The following POF1B variants were observed in gnomAD, a reference collection of about 807,000 sequenced individuals.
The protein encoded by POF1B is protein POF1B.
Under a neutral mutation model 55.3 loss-of-function variants are expected in POF1B, and 53 were observed. That is an observed-to-expected ratio of 0.96 (90% CI 0.77 to 1.20). The LOEUF (loss-of-function observed/expected upper bound fraction) is 1.20. Among genes scored for constraint, POF1B ranks in the 50% most tolerant of loss-of-function variants. POF1B has a pLI of 0.00. For missense variants in POF1B, 478 were observed against 420.5 expected (o/e 1.14, Z -1.20); for synonymous variants, 188 against 148.3 (o/e 1.27, Z -1.95).
chrX:85,372,772 A>ATATATATATATATATATAT (rs1193270205), intron 2 of POF1B, among the ~76,000 whole-genome samples: 18 of 101,470 alleles, frequency 1.8e-4, no homozygotes, highest in African/African-American at 5.7e-4. Context: ...TATTATATAT[A>ATATATATATATATATATAT]CTATATATAT....
intron 15 of POF1B, among the ~76,000 whole-genome samples, chrX:85,301,141 C>A (rs6623261): frequency 9.0e-6 from 1 of 111,082 alleles, no homozygotes; most frequent in African/African-American, 3.3e-5. Context: ...TATCAATCTG[C>A]ACATCAAAGA....
chrX:85,303,267 A>C (rs12556017), intron 15 of POF1B, 139 bp downstream of exon 15: 13,930 of 390,063 alleles, frequency 0.036, 1,150 homozygotes, highest in African/African-American at 0.27. Flanking sequence ...CTTTTTGTGA[A>C]TATTCATTCT....
At chrX:85,332,679 G>A (rs1276593869) in intron 6 of POF1B, among the ~76,000 whole-genome samples, 1 of 111,242 alleles carries the variant, frequency 9.0e-6, no homozygotes, top group Non-Finnish European at 1.9e-5. Context: ...AGTAAGCAAA[G>A]ATAAGTTTTC....
At position 85,361,492 on chromosome X, in the gene POF1B, A is replaced by G. The variant is rs1447864153; in HGVS notation, c.358-1862T>C. Among the ~76,000 whole-genome samples the G allele has an allele frequency of 2.7e-5, 3 of 110,717 alleles. No homozygotes were observed. In the South Asian group the frequency reaches 1.1e-3, roughly 42 times the overall value. ...GTCCTTTCCCCATTGCTTGTTTTTGACAGCTTGGTCAAAGATCTGATAGTT... is the reference window on the plus strand; with the variant it reads ...GTCCTTTCCCCATTGCTTGTTTTTGGCAGCTTGGTCAAAGATCTGATAGTT... On this transcript the variant is annotated intron_variant, in intron 3 of 16. Coordinates refer to ENST00000262753, the MANE Select transcript of POF1B (RefSeq NM_024921.4).
intron 16 of POF1B, among the ~76,000 whole-genome samples, chrX:85,281,171 T>C (rs1415828645): frequency 9.8e-6 from 1 of 102,020 alleles, no homozygotes; most frequent in Non-Finnish European, 2.0e-5. Context: ...GTACTGAACA[T>C]GTACAGACTT....
At chrX:85,351,637 A>G in intron 4 of POF1B, among the ~76,000 whole-genome samples, 186 bp from the exon 5 acceptor site, 1 of 110,866 alleles carries the variant, frequency 9.0e-6, no homozygotes, top group Non-Finnish European at 1.9e-5. Context: ...TCCCTTTATC[A>G]AAAAGAACAA....
intron 7 of POF1B, among the ~76,000 whole-genome samples, chrX:85,318,757 G>T: frequency 9.0e-6 from 1 of 111,585 alleles, no homozygotes; most frequent in Non-Finnish European, 1.9e-5. Context: ...ATACCATGCT[G>T]TTTTGGTTAT....
rs1932061070 is a variant in POF1B, at chrX:85,286,641, G to A, written c.1650-4324C>T. 2.7e-5 allele frequency among the ~76,000 whole-genome samples: 3 copies of A among 111,283 alleles called. No homozygotes were observed. In the Admixed American group the frequency reaches 2.9e-4, roughly 11 times the overall value. On this transcript the variant is annotated intron_variant, in intron 15 of 16. Coordinates refer to ENST00000262753, the MANE Select transcript of POF1B (RefSeq NM_024921.4). ...TGCAATTTCTAATCAAAAGAAAGTT[G>A]GAGTAGTTATATAAATATCAGATGA...
At chrX:85,360,566 T>C (rs191109069) in intron 3 of POF1B, among the ~76,000 whole-genome samples, 1,446 of 81,244 alleles carry the variant, frequency 0.018, 104 homozygotes, top group African/African-American at 0.075. Context: ...TATACATATA[T>C]ACACATTTTC....
intron 5 of POF1B, among the ~76,000 whole-genome samples, chrX:85,349,264 A>G (rs1380754221): frequency 1.8e-5 from 2 of 111,694 alleles, no homozygotes; most frequent in Non-Finnish European, 3.8e-5. Flanking sequence ...ACAAATGTCC[A>G]CAAGTGCTCA....
chrX:85,354,538 G>A (rs1410579221), intron 4 of POF1B, among the ~76,000 whole-genome samples: 7 of 111,139 alleles, frequency 6.3e-5, no homozygotes, highest in African/African-American at 2.3e-4. Context: ...CAGATGACAT[G>A]ATTGTATATC....
intron 15 of POF1B, among the ~76,000 whole-genome samples, chrX:85,297,170 T>A (rs1422220049): frequency 8.9e-6 from 1 of 112,307 alleles, no homozygotes; most frequent in Non-Finnish European, 1.9e-5. Flanking sequence ...AACTTTTACC[T>A]GTATCTTGAT....
chrX:85,305,965 T>C, intron 12 of POF1B, 55 bp from the exon 13 acceptor site: 1 of 1,146,849 alleles, frequency 8.7e-7, no homozygotes, highest in Non-Finnish European at 1.2e-6. Flanking sequence ...AAAATACATG[T>C]TATGTTACAA....
chrX:85,363,035 G>C (rs1933653239), intron 3 of POF1B, among the ~76,000 whole-genome samples: 1 of 111,345 alleles, frequency 9.0e-6, no homozygotes, highest in Admixed American at 9.6e-5. Context: ...TGTATGCATA[G>C]AGGTGTTTGT....
intron 4 of POF1B, among the ~76,000 whole-genome samples, chrX:85,352,577 T>C (rs1933410938): frequency 9.0e-6 from 1 of 111,460 alleles, no homozygotes; most frequent in Non-Finnish European, 1.9e-5. Flanking sequence ...AAAACAAATA[T>C]ATAAGTGACC....
chrX:85,349,023 G>T (rs781463295), intron 5 of POF1B, among the ~76,000 whole-genome samples: 15 of 111,151 alleles, frequency 1.3e-4, no homozygotes, highest in African/African-American at 4.6e-4. Flanking sequence ...TTGAGGAATA[G>T]GTACATTTCA....
chrX:85,352,603 A>G (rs972908504), intron 4 of POF1B, among the ~76,000 whole-genome samples: 8 of 111,537 alleles, frequency 7.2e-5, no homozygotes, highest in Non-Finnish European at 7.6e-5. Context: ...TGACTAGGTG[A>G]TGAAGTATTA....
chrX:85,283,868 A>C (rs1931969153), intron 15 of POF1B, among the ~76,000 whole-genome samples: 1 of 111,606 alleles, frequency 9.0e-6, no homozygotes, highest in Non-Finnish European at 1.9e-5. Context: ...AGTCACAATG[A>C]AAGTCAGAAG....
chrX:85,346,391 TA>T (rs1933272586), intron 5 of POF1B, among the ~76,000 whole-genome samples: 1 of 110,214 alleles, frequency 9.1e-6, no homozygotes, highest in Admixed American at 9.8e-5. Flanking sequence ...CTTCAGAATC[TA>T]ATTACATAAA....
Sources: gnomAD v4.1 joint callset for allele counts (sites outside exome capture counted in the v4.1 genomes callset) on GRCh38, gnomAD v4.1.1 for gene constraint, MANE v1.5 for transcripts, NCBI Gene and HGNC (gene_info 2026-07-23, HGNC 2026-07-21) for gene names.